PLXNA4: variants seen among roughly 807,000 people sequenced by gnomAD.
The protein encoded by PLXNA4 is plexin-A4.
In PLXNA4, 44 loss-of-function variants were observed where a neutral mutation model predicts 191.8. That is an observed-to-expected ratio of 0.23 (90% confidence interval 0.18 to 0.29). The LOEUF is 0.29. Ranked by LOEUF, PLXNA4 falls within the 10% of genes least tolerant of loss-of-function variation. PLXNA4 has a pLI of 1.00. For missense variants in PLXNA4, 1,800 were observed against 2,488.8 expected, an observed-to-expected ratio of 0.72 and a Z score of 5.89; for synonymous variants, 1,082 against 1,009.5, an observed-to-expected ratio of 1.07 and a Z score of -1.36.
At chr7:132,262,535 A>C (rs1393766711) in intron 4 of PLXNA4, among the ~76,000 whole-genome samples, 1 of 152,056 alleles carries the variant, frequency 6.6e-6, no homozygotes, top group Admixed American at 6.5e-5. Flanking sequence ...GGTAGGAAAG[A>C]GTTGGTGGCA....
chr7:132,440,505 T>C (rs998182122), intron 3 of PLXNA4, among the ~76,000 whole-genome samples: 6 of 152,182 alleles, frequency 3.9e-5, no homozygotes, highest in African/African-American at 1.4e-4. Flanking sequence ...AGGCAAGAGA[T>C]CCAACTATAT....
intron 4 of PLXNA4, among the ~76,000 whole-genome samples, chr7:132,273,242 G>A (rs1338629126): frequency 6.6e-6 from 1 of 151,914 alleles, no homozygotes; most frequent in East Asian, 1.9e-4. Context: ...TAATGTTGGG[G>A]GAAAATATAA....
At chr7:132,242,684 C>A (rs774251023) in intron 4 of PLXNA4, among the ~76,000 whole-genome samples, 5 of 152,144 alleles carry the variant, frequency 3.3e-5, no homozygotes, top group African/African-American at 1.2e-4. Context: ...ACCTTGGTGG[C>A]CCTTCCTCCA....
intron 4 of PLXNA4, among the ~76,000 whole-genome samples, chr7:132,255,309 A>G (rs1675164087): frequency 6.6e-6 from 1 of 152,116 alleles, no homozygotes; most frequent in Non-Finnish European, 1.5e-5. Context: ...GCCACTTAAG[A>G]GCTTGGTCAG....
At chr7:132,520,972 C>T (rs563044466) in intron 1 of PLXNA4, among the ~76,000 whole-genome samples, 9 of 152,040 alleles carry the variant, frequency 5.9e-5, no homozygotes, top group South Asian at 2.1e-4. Context: ...TGTCCCTCTA[C>T]CCCCTCTCTT....
intron 3 of PLXNA4, among the ~76,000 whole-genome samples, chr7:132,374,847 C>T (rs1002845306): frequency 2.0e-5 from 3 of 152,226 alleles, no homozygotes; most frequent in Admixed American, 2.0e-4. Context: ...GAAAAGCATT[C>T]CAGCTTTCTG....
At chr7:132,575,946 C>T (rs551743346) in intron 1 of PLXNA4, among the ~76,000 whole-genome samples, 3 of 152,282 alleles carry the variant, frequency 2.0e-5, no homozygotes, top group Non-Finnish European at 4.4e-5. Flanking sequence ...GGTCTGTCTC[C>T]CGTTGAAATC....
At chr7:132,423,875 C>A (rs989681306) in intron 3 of PLXNA4, among the ~76,000 whole-genome samples, 17 of 152,212 alleles carry the variant, frequency 1.1e-4, no homozygotes, top group African/African-American at 4.1e-4. Context: ...ACAGCCACCA[C>A]CATCGGGGCC....
In PLXNA4 at chr7:132,437,086, A is replaced by G. The variant is rs140578485; in HGVS notation, c.1371+52206T>C. ...CCCCAAAACACGGATGGGAAGGAGC[A>G]TGCCCAGGGAGCAGCCTTATATTTT... On this transcript the variant is annotated intron_variant, in intron 3 of 31. Transcript: ENST00000321063. Among the ~76,000 whole-genome samples, 1,175 of 152,342 alleles carry G rather than the reference A, an allele frequency of 7.7e-3. 16 individuals are homozygous for G. The highest frequency in any genetic ancestry group is 0.027 in the African/African-American group (1,113 of 41,582).
intron 1 of PLXNA4, among the ~76,000 whole-genome samples, chr7:132,567,449 G>T (rs1020726547): frequency 1.3e-5 from 2 of 152,112 alleles, no homozygotes; most frequent in African/African-American, 4.8e-5. Context: ...TAACTGAGGG[G>T]CTCAGCCTGT....
chr7:132,229,188 C>T (rs889526019), intron 5 of PLXNA4, among the ~76,000 whole-genome samples: 1 of 152,168 alleles, frequency 6.6e-6, no homozygotes, highest in Non-Finnish European at 1.5e-5. Flanking sequence ...ATCAAAGGAG[C>T]TAAGAACTGT....
At chr7:132,359,201 C>G (rs1803830223) in intron 3 of PLXNA4, among the ~76,000 whole-genome samples, 1 of 142,338 alleles carries the variant, frequency 7.0e-6, no homozygotes, top group Admixed American at 7.0e-5. Flanking sequence ...AGGAAAAAGT[C>G]AAGGCTGCTT....
chr7:132,482,386 T>C (rs1193774095), intron 3 of PLXNA4, among the ~76,000 whole-genome samples: 1 of 152,126 alleles, frequency 6.6e-6, no homozygotes. Context: ...CACATGGCAA[T>C]GTAGGGATCT....
intron 2 of PLXNA4, among the ~76,000 whole-genome samples, chr7:132,627,371 A>T (rs184353991): frequency 2.0e-4 from 30 of 152,108 alleles, no homozygotes; most frequent in Non-Finnish European, 3.5e-4. Context: ...CACAATTTTC[A>T]TGGCTTTTGT....
intron 3 of PLXNA4, among the ~76,000 whole-genome samples, chr7:132,320,646 A>G (rs4141805): frequency 0.23 from 34,923 of 151,846 alleles, 4,172 homozygotes; most frequent in African/African-American, 0.27. Context: ...CAAGCACTGA[A>G]TGACCTTTCC....
At chr7:132,468,700 A>G (rs1796801998) in intron 3 of PLXNA4, among the ~76,000 whole-genome samples, 1 of 151,534 alleles carries the variant, frequency 6.6e-6, no homozygotes, top group Non-Finnish European at 1.5e-5. Context: ...TTCCAGGAAC[A>G]CCTCCCTCCC....
At position 132,172,952 on chromosome 7, in the gene PLXNA4, C is replaced by G. The variant is rs78545527; in HGVS notation, c.4017+1826G>C. On this transcript the variant is annotated intron_variant, in intron 21 of 31. Coordinates refer to ENST00000321063, the MANE Select transcript of PLXNA4 (RefSeq NM_020911.2). Reference sequence around the variant, plus strand: ...ACATAATTTCCCGTCCTACAACCCCCGTTTCCACCTTAATTCAGCCAAACA... The same window carrying G: ...ACATAATTTCCCGTCCTACAACCCCGGTTTCCACCTTAATTCAGCCAAACA... Among the ~76,000 whole-genome samples, 97 of 152,292 alleles carry G rather than the reference C, an allele frequency of 6.4e-4. 1 individual carries two copies. Among genetic ancestry groups the G allele is most frequent in the African/African-American group, 2.2e-3 (93 of 41,556 alleles).
chr7:132,444,250 T>C (rs984340414), intron 3 of PLXNA4, among the ~76,000 whole-genome samples: 3 of 152,242 alleles, frequency 2.0e-5, no homozygotes, highest in African/African-American at 4.8e-5. Context: ...TGTCAGAAAG[T>C]AACTCTTCTC....
chr7:132,528,859 T>C (rs771368819), intron 1 of PLXNA4, among the ~76,000 whole-genome samples: 2 of 152,226 alleles, frequency 1.3e-5, no homozygotes, highest in Admixed American at 6.5e-5. Flanking sequence ...CATTCACTTA[T>C]GGTTCACACT....
Sources: gnomAD v4.1 joint callset for allele counts (sites outside exome capture counted in the v4.1 genomes callset) on GRCh38, gnomAD v4.1.1 for gene constraint, MANE v1.5 for transcripts, NCBI Gene and HGNC (gene_info 2026-07-23, HGNC 2026-07-21) for gene names.